Variants in WDFY3 observed in about 807,000 individuals in gnomAD.
The protein encoded by WDFY3 is WD repeat and FYVE domain containing 3.
Under a neutral mutation model 409.6 loss-of-function variants are expected in WDFY3, and 66 were observed. That is an observed-to-expected ratio of 0.16 (90% confidence interval 0.13 to 0.20). The LOEUF is 0.20. Ranked by LOEUF, WDFY3 falls within the 10% of genes least tolerant of loss-of-function variation. WDFY3 has a pLI of 1.00. For synonymous variants in WDFY3, 1,521 were observed against 1,537.1 expected, an observed-to-expected ratio of 0.99 and a Z score of 0.25; for missense variants, 3,031 against 4,298.1, an observed-to-expected ratio of 0.71 and a Z score of 8.24.
intron 25 of WDFY3, 77 bp downstream of exon 25, chr4:84,782,886 C>T (rs1318797425): frequency 3.1e-6 from 4 of 1,293,396 alleles, no homozygotes; most frequent in African/African-American, 2.9e-5. Context: ...TTAAATACTG[C>T]CCCTTAAGTG....
chr4:84,920,307 T>A (rs960018428), intron 2 of WDFY3, among the ~76,000 whole-genome samples: 1 of 152,204 alleles, frequency 6.6e-6, no homozygotes, highest in African/African-American at 2.4e-5. Flanking sequence ...TGTAAGAATG[T>A]TAAGTCTACT....
At chr4:84,962,872 C>G (rs1775089287) in intron 1 of WDFY3, among the ~76,000 whole-genome samples, 1 of 151,704 alleles carries the variant, frequency 6.6e-6, no homozygotes, top group African/African-American at 2.4e-5. Context: ...CGGGGATTCA[C>G]CATATTGGCC....
intron 42 of WDFY3, 64 bp downstream of exon 42, chr4:84,736,106 G>A: frequency 6.8e-7 from 1 of 1,468,348 alleles, no homozygotes; most frequent in South Asian, 1.6e-5. Context: ...TCAATTGCTT[G>A]TACATGTTAA....
chr4:84,869,527 C>G (rs1032582519), intron 3 of WDFY3, among the ~76,000 whole-genome samples: 3 of 152,086 alleles, frequency 2.0e-5, no homozygotes, highest in African/African-American at 7.2e-5. Context: ...TTTTCTACTT[C>G]TTTCCATAAA....
intron 13 of WDFY3, among the ~76,000 whole-genome samples, chr4:84,815,970 G>T (rs966276868): frequency 2.6e-5 from 4 of 152,008 alleles, no homozygotes; most frequent in Non-Finnish European, 4.4e-5. Context: ...CATAAATTGT[G>T]ATTTTCTTTG....
intron 30 of WDFY3, among the ~76,000 whole-genome samples, chr4:84,770,245 G>T (rs1355729714): frequency 1.3e-5 from 2 of 151,942 alleles, no homozygotes; most frequent in African/African-American, 4.8e-5. Flanking sequence ...AGCCAGGATG[G>T]TCTCGAACTC....
At chr4:84,938,645 T>C (rs1199802734) in intron 1 of WDFY3, among the ~76,000 whole-genome samples, 2 of 152,200 alleles carry the variant, frequency 1.3e-5, no homozygotes, top group African/African-American at 4.8e-5. Context: ...CAGATATTTT[T>C]AAATGTTTTC....
At chr4:84,889,406 C>T (rs150616298) in intron 3 of WDFY3, among the ~76,000 whole-genome samples, 6 of 151,972 alleles carry the variant, frequency 3.9e-5, no homozygotes, top group Non-Finnish European at 8.8e-5. Flanking sequence ...TGATTAGTTC[C>T]CTTTTACAGA....
At chr4:84,821,837 A>G (rs1754116208) in intron 10 of WDFY3, among the ~76,000 whole-genome samples, 1 of 152,178 alleles carries the variant, frequency 6.6e-6, no homozygotes, top group African/African-American at 2.4e-5. Flanking sequence ...ATTATTATAA[A>G]CATCCATGCT....
In WDFY3 at chr4:84,705,590, GGAT is replaced by G. The variant is rs1731795069; in HGVS notation, c.8218-82_8218-80del. ...CTAACGTAGATACAGTGGCTGTTGT[GGAT>G]GATGATGATTTATAAACGCACTAGT... On this transcript the variant is annotated intron_variant, in intron 53 of 67. Coordinates refer to ENST00000295888, the MANE Select transcript of WDFY3 (RefSeq NM_014991.6). The G allele has an allele frequency of 2.3e-5, 26 of 1,140,446 alleles. No individual in the cohort carries two copies. The South Asian group carries it at 3.5e-4, about 15-fold the overall frequency. The allele number at this position is 1,140,446 out of a possible 1,614,324, so 70.6% of individuals were successfully genotyped here.
intron 30 of WDFY3, among the ~76,000 whole-genome samples, chr4:84,771,357 T>G (rs1004152986): frequency 6.6e-6 from 1 of 152,172 alleles, no homozygotes; most frequent in Non-Finnish European, 1.5e-5. Flanking sequence ...AGTCTGGTCT[T>G]GAATTCCTGG....
At chr4:84,758,298 G>A (rs909713207) in intron 32 of WDFY3, among the ~76,000 whole-genome samples, 1 of 152,170 alleles carries the variant, frequency 6.6e-6, no homozygotes, top group Non-Finnish European at 1.5e-5. Flanking sequence ...CCAGGCTGGA[G>A]TACAGTGGCA....
chr4:84,922,400 G>A (rs1283468107), intron 2 of WDFY3, among the ~76,000 whole-genome samples: 6 of 152,086 alleles, frequency 3.9e-5, no homozygotes, highest in African/African-American at 1.4e-4. Context: ...CCCACAAAAA[G>A]TTGTTTTAAT....
intron 41 of WDFY3, among the ~76,000 whole-genome samples, chr4:84,736,934 G>A (rs1178306746): frequency 6.7e-6 from 1 of 149,174 alleles, no homozygotes; most frequent in African/African-American, 2.5e-5. Context: ...TACTAGAGCT[G>A]TTAGCAATGC....
intron 2 of WDFY3, among the ~76,000 whole-genome samples, chr4:84,917,350 A>G (rs1391659769): frequency 6.6e-6 from 1 of 152,214 alleles, no homozygotes; most frequent in Non-Finnish European, 1.5e-5. Flanking sequence ...CCTCTTTACA[A>G]GGATAATTCA....
At chr4:84,763,214 G>A (rs1165336796) in intron 32 of WDFY3, among the ~76,000 whole-genome samples, 7 of 152,114 alleles carry the variant, frequency 4.6e-5, no homozygotes, top group Non-Finnish European at 1.0e-4. Flanking sequence ...CAAAGAATGA[G>A]TTCATGTCCT....
Position 84,837,061 on chromosome 4 carries a change from T to C in WDFY3, c.444A>G (p.Ser148=), listed in dbSNP as rs1266321274. The C allele has an allele frequency of 5.7e-6, 9 of 1,571,764 alleles. No homozygotes were observed. In the African/African-American group the frequency reaches 6.8e-5, roughly 12 times the overall value. The change falls in exon 7 of 68, where the codon TCA becomes TCG. Residue 148 remains serine, a synonymous_variant. Coordinates refer to ENST00000295888, the MANE Select transcript of WDFY3 (RefSeq NM_014991.6). Reference sequence around the variant, plus strand: ...AACATTTAACCAGGGTGGAAGGCACTGACATTGTTGTCATGCAGTCCACGG... The same window carrying C: ...AACATTTAACCAGGGTGGAAGGCACCGACATTGTTGTCATGCAGTCCACGG... ...QKTVDCMTTM[S]VPSTLVKCLY...
chr4:84,775,545 C>A lies in WDFY3; in HGVS notation c.4519-407G>T, dbSNP rs533784978. 4.6e-5 allele frequency among the ~76,000 whole-genome samples: 7 copies of A among 151,528 alleles called. No homozygotes were observed. In the East Asian group the frequency reaches 1.4e-3, roughly 29 times the overall value. ...AAAAAAAATTCAATAAACTTGAAGA[C>A]ATAACAATAGAAATTATTCAGAATG... On this transcript the variant is annotated intron_variant, in intron 27 of 67. Coordinates refer to ENST00000295888, the MANE Select transcript of WDFY3 (RefSeq NM_014991.6).
intron 23 of WDFY3, 151 bp downstream of exon 23, chr4:84,787,331 T>G (rs1180179069): frequency 1.4e-6 from 1 of 711,690 alleles, no homozygotes; most frequent in Non-Finnish European, 2.3e-6. Flanking sequence ...GGAAAATATT[T>G]TCAATAGGAG....
Sources: allele counts gnomAD v4.1 joint callset (sites outside exome capture counted in the v4.1 genomes callset), GRCh38; gene constraint gnomAD v4.1.1; transcripts MANE v1.5; gene names NCBI Gene and HGNC (gene_info 2026-07-23, HGNC 2026-07-21).